TSPEAR: variants seen among roughly 807,000 people sequenced by gnomAD.
TSPEAR encodes the protein thrombospondin type laminin G domain and EAR repeats.
Under a neutral mutation model 71.6 loss-of-function variants are expected in TSPEAR, and 69 were observed. The observed-to-expected ratio is 0.96, with a 90% CI of 0.79 to 1.18. TSPEAR has a LOEUF of 1.18. TSPEAR is among the 50% of genes most tolerant of loss of function. The pLI is 0.00. For synonymous variants in TSPEAR, 402 were observed against 387.2 expected (o/e 1.04, Z -0.45); for missense variants, 971 against 894.9 (o/e 1.09, Z -1.09).
intron 10 of TSPEAR, among the ~76,000 whole-genome samples, chr21:44,507,778 C>G (rs1351960231): frequency 6.6e-6 from 1 of 152,214 alleles, no homozygotes; most frequent in African/African-American, 2.4e-5. Flanking sequence ...TTGTTTTGTT[C>G]TCGGCGTTGA....
intron 1 of TSPEAR, among the ~76,000 whole-genome samples, chr21:44,689,441 G>A (rs1197119859): frequency 6.6e-6 from 1 of 151,210 alleles, no homozygotes; most frequent in Non-Finnish European, 1.5e-5. Context: ...GGCGGAGCTT[G>A]CAGTGAGCTG....
intron 1 of TSPEAR, among the ~76,000 whole-genome samples, chr21:44,657,707 T>C (rs1555942802): frequency 6.6e-6 from 1 of 151,928 alleles, no homozygotes; most frequent in Non-Finnish European, 1.5e-5. Flanking sequence ...CTGAAAAAAA[T>C]TGACAAAAAA....
intron 2 of TSPEAR, among the ~76,000 whole-genome samples, chr21:44,553,214 G>T (rs781914271): frequency 3.3e-5 from 5 of 152,224 alleles, no homozygotes; most frequent in African/African-American, 4.8e-5. Flanking sequence ...ATGGACAGAC[G>T]CGGAAGCTTC....
chr21:44,553,896 G>A (rs1295990711), intron 2 of TSPEAR, among the ~76,000 whole-genome samples: 27 of 152,184 alleles, frequency 1.8e-4, no homozygotes, highest in African/African-American at 6.3e-4. Context: ...ATCTTTGGTG[G>A]ACTAAGGCTC....
intron 1 of TSPEAR, chr21:44,579,522 T>C: frequency 3.4e-6 from 2 of 586,186 alleles, no homozygotes; most frequent in Non-Finnish European, 6.0e-6. Context: ...CGAGGCCAAG[T>C]GACATGGGGC....
At chr21:44,575,197 G>T (rs995913479) in intron 1 of TSPEAR, 1 of 712,478 alleles carries the variant, frequency 1.4e-6, no homozygotes, top group Non-Finnish European at 2.3e-6. Context: ...GGGGGAGGGG[G>T]GCGCTTCTAG....
At chr21:44,538,384 C>T (rs1038059914) in intron 2 of TSPEAR, among the ~76,000 whole-genome samples, 1 of 151,018 alleles carries the variant, frequency 6.6e-6, no homozygotes, top group Non-Finnish European at 1.5e-5. Flanking sequence ...TCTGTGGGAA[C>T]CCAGGCTCCT....
At chr21:44,511,239 C>T (rs970132711) in intron 9 of TSPEAR, among the ~76,000 whole-genome samples, 1 of 152,070 alleles carries the variant, frequency 6.6e-6, no homozygotes, top group Non-Finnish European at 1.5e-5. Context: ...CCTGCACACA[C>T]AGGCCCATAC....
At chr21:44,601,635 C>G (rs782333684) in intron 1 of TSPEAR, 1 of 1,613,622 alleles carries the variant, frequency 6.2e-7, no homozygotes, top group Non-Finnish European at 8.5e-7. Flanking sequence ...GCCAGGCCAG[C>G]TGCTGCCGCC....
rs193297010 is a variant in TSPEAR at position 44,711,036 on chromosome 21, C to T, written c.82+397G>A. Among the ~76,000 whole-genome samples, 1 of 152,330 alleles carries T rather than the reference C, an allele frequency of 6.6e-6. No individual in the cohort carries two copies. Among genetic ancestry groups the T allele is most frequent in the African/African-American group, 2.4e-5 (1 of 41,570 alleles). On this transcript the variant is annotated intron_variant, in intron 1 of 11. Transcript: ENST00000323084. This position sits in a 1 kb window ranked among gnomAD's most constrained non-coding sequence, Gnocchi z 4.5. Reference sequence around the variant, plus strand: ...GAGTGCAGGCTGGGGGCACCTCCACCAGCTAAGGAAATGGCTCGTGCACAG... The same window carrying T: ...GAGTGCAGGCTGGGGGCACCTCCACTAGCTAAGGAAATGGCTCGTGCACAG...
chr21:44,598,540 T>C (rs587704010), intron 1 of TSPEAR, among the ~76,000 whole-genome samples: 22 of 152,364 alleles, frequency 1.4e-4, no homozygotes, highest in African/African-American at 5.1e-4. Context: ...ACATAGTTTT[T>C]ACTATCTCTT....
At chr21:44,657,901 C>G (rs921727700) in intron 1 of TSPEAR, 28 of 1,413,702 alleles carry the variant, frequency 2.0e-5, no homozygotes, top group Non-Finnish European at 2.7e-5. Context: ...TGACAGGACC[C>G]AGGTATAAAG....
intron 9 of TSPEAR, among the ~76,000 whole-genome samples, chr21:44,510,244 C>T (rs1268767753): frequency 1.3e-5 from 2 of 152,156 alleles, no homozygotes; most frequent in Non-Finnish European, 2.9e-5. Flanking sequence ...GGACAGTGTC[C>T]CCACAGGCCG....
At chr21:44,680,660 T>C (rs1986538735) in intron 1 of TSPEAR, among the ~76,000 whole-genome samples, 1 of 152,186 alleles carries the variant, frequency 6.6e-6, no homozygotes, top group Admixed American at 6.5e-5. Context: ...AATAAATAAA[T>C]GAATCAAGAA....
chr21:44,542,829 A>G (rs2053244835), intron 2 of TSPEAR, among the ~76,000 whole-genome samples: 1 of 152,064 alleles, frequency 6.6e-6, no homozygotes, highest in Non-Finnish European at 1.5e-5. Context: ...AAGTGAACAC[A>G]AAGAAAACTA....
intron 8 of TSPEAR, among the ~76,000 whole-genome samples, chr21:44,523,769 T>C (rs989705238): frequency 1.3e-5 from 2 of 149,252 alleles, no homozygotes; most frequent in African/African-American, 5.0e-5. Context: ...GTCAGTGAGG[T>C]AGTTAATCAG....
At chr21:44,621,229 CT>C (rs1417401070) in intron 1 of TSPEAR, among the ~76,000 whole-genome samples, 1 of 152,104 alleles carries the variant, frequency 6.6e-6, no homozygotes, top group African/African-American at 2.4e-5. Flanking sequence ...AAATTTAGTT[CT>C]GTTATTTTAT....
rs587666148 is a variant in TSPEAR at position 44,633,749 on chromosome 21, C to T, written c.83-65744G>A. Among the ~76,000 whole-genome samples, 3 of 152,160 alleles carry T rather than the reference C, an allele frequency of 2.0e-5. No individual in the cohort carries two copies. In the East Asian group the frequency reaches 5.8e-4, roughly 29 times the overall value. ...GATCTAGCTTGTTTATAGTGTTCTT[C>T]AAGTTCTCTATTTCGTTATTGATCT... On this transcript the variant is annotated intron_variant, in intron 1 of 11. Transcript: ENST00000323084.
chr21:44,708,007 GCACACACACACA>G (rs58196199), intron 1 of TSPEAR, among the ~76,000 whole-genome samples: 2,616 of 122,358 alleles, frequency 0.021, 32 homozygotes, highest in Non-Finnish European at 0.026. Context: ...CCCCGCGCGT[GCACACACACACA>G]CACACACACA....
Sources: gnomAD v4.1 joint callset for allele counts (sites outside exome capture counted in the v4.1 genomes callset) on GRCh38, gnomAD v4.1.1 for gene constraint, Gnocchi (gnomAD v3.1) non-coding constraint, MANE v1.5 for transcripts, NCBI Gene and HGNC (gene_info 2026-07-23, HGNC 2026-07-21) for gene names.